Variants in YTHDC2 observed in about 807,000 individuals in gnomAD.
YTHDC2 encodes the protein YTH N6-methyladenosine RNA binding protein C2, also known as 3'-5' RNA helicase YTHDC2.
YTHDC2 carries 45 observed loss-of-function variants against 174.9 expected under a neutral mutation model. The observed-to-expected ratio is 0.26, with a 90% CI of 0.20 to 0.33. The LOEUF (loss-of-function observed/expected upper bound fraction) is 0.33, where lower values mean the gene tolerates loss of function less well. Among genes scored for constraint, YTHDC2 ranks in the 10% least tolerant of loss-of-function variants. The pLI, the probability that YTHDC2 is intolerant of heterozygous loss-of-function variation, is 1.00. For synonymous variants in YTHDC2, 657 were observed against 574.5 expected (o/e 1.14, Z -2.05); for missense variants, 1,650 against 1,723.7 (o/e 0.96, Z 0.76).
At chr5:113,537,851 C>T (rs150203152) in intron 7 of YTHDC2, among the ~76,000 whole-genome samples, 338 of 152,198 alleles carry the variant, frequency 2.2e-3, no homozygotes, top group Non-Finnish European at 3.3e-3. Context: ...CTACTATTGA[C>T]CTAATCACCT....
chr5:113,588,956 TTTATG>T (rs1339149456), intron 26 of YTHDC2, among the ~76,000 whole-genome samples: 2 of 152,092 alleles, frequency 1.3e-5, no homozygotes, highest in Non-Finnish European at 2.9e-5. Context: ...ACTTTACTCC[TTTATG>T]TTATATTGTT....
rs956619014 is a variant in YTHDC2 at position 113,553,674 on chromosome 5, A to G, written c.1952A>G (p.Asp651Gly). The G allele has an allele frequency of 6.2e-7, 1 of 1,613,548 alleles. No homozygotes were observed. Among genetic ancestry groups the G allele is most frequent in the Non-Finnish European group, 8.5e-7 (1 of 1,179,582 alleles). Residue 651 changes from aspartate (D) to glycine (G), a missense_variant, in exon 14 of 30, where the codon GAC becomes GGC. Physicochemically the swap from Asp to Gly is moderately conservative, Grantham distance 94. Transcript: ENST00000161863. ...RILFDDKRFA[D>G]STHRYQVFML... ...CTGTTTGATGACAAGCGGTTTGCTGACAGTACACATAGGTAAGGGCTAAAG... is the reference window on the plus strand; with the variant it reads ...CTGTTTGATGACAAGCGGTTTGCTGGCAGTACACATAGGTAAGGGCTAAAG...
chr5:113,562,991 T>A (rs190506905), intron 18 of YTHDC2, among the ~76,000 whole-genome samples: 1 of 152,176 alleles, frequency 6.6e-6, no homozygotes, highest in Non-Finnish European at 1.5e-5. Context: ...GCACAGGGCC[T>A]TGCACTTAGA....
chr5:113,553,728 C>T (rs1354037402), intron 14 of YTHDC2, 39 bp from the exon 15 acceptor site: 3 of 1,612,646 alleles, frequency 1.9e-6, no homozygotes, highest in Admixed American at 3.3e-5. Context: ...AAATAACGGA[C>T]AGGTCTTATA....
intron 7 of YTHDC2, 45 bp downstream of exon 7, chr5:113,535,843 C>G (rs949577447): frequency 2.1e-6 from 3 of 1,456,678 alleles, no homozygotes; most frequent in Non-Finnish European, 2.8e-6. Flanking sequence ...TATGAAAGAA[C>G]ACTTTTGGAC....
At chr5:113,525,749 A>G (rs1323447582) in intron 3 of YTHDC2, among the ~76,000 whole-genome samples, 5 of 152,134 alleles carry the variant, frequency 3.3e-5, no homozygotes, top group Non-Finnish European at 7.4e-5. Flanking sequence ...TAAAATAAAG[A>G]TGTAATTTTA....
intron 25 of YTHDC2, chr5:113,582,226 G>C (rs1209886920): frequency 6.6e-6 from 1 of 152,164 alleles, no homozygotes; most frequent in Non-Finnish European, 1.5e-5. Flanking sequence ...GTACAAAACA[G>C]GTAAGATCTC....
chr5:113,560,811 T>C (rs780432071), intron 17 of YTHDC2, among the ~76,000 whole-genome samples: 14 of 152,242 alleles, frequency 9.2e-5, no homozygotes, highest in Non-Finnish European at 2.1e-4. Context: ...CACTTTTATA[T>C]GTATGCTATT....
intron 7 of YTHDC2, among the ~76,000 whole-genome samples, chr5:113,537,569 T>C (rs1775171028): frequency 6.6e-6 from 1 of 151,770 alleles, no homozygotes; most frequent in Non-Finnish European, 1.5e-5. Flanking sequence ...TCGTTCCGTC[T>C]TCCTTCCTTC....
intron 2 of YTHDC2, among the ~76,000 whole-genome samples, chr5:113,517,969 A>G (rs1050098960): frequency 2.9e-4 from 42 of 146,974 alleles, no homozygotes; most frequent in African/African-American, 1.1e-3. Flanking sequence ...GCTCACTGCA[A>G]GCTCCACCTC....
In YTHDC2 at chr5:113,557,048, T is replaced by C. The variant is rs556734198; in HGVS notation, c.2216+914T>C. 6.2e-4 allele frequency among the ~76,000 whole-genome samples: 95 copies of C among 152,294 alleles called. 1 individual carries two copies. The Middle Eastern group carries it at 0.014, about 22-fold the overall frequency. On this transcript the variant is annotated intron_variant, in intron 17 of 29. Transcript: ENST00000161863. ...TACAGAACATGCATCTAGTAGTCTT[T>C]TGTGGTAAGAAAAATATATGTGTGT...
chr5:113,562,860 C>T (rs949019931), intron 18 of YTHDC2, among the ~76,000 whole-genome samples: 6 of 152,088 alleles, frequency 3.9e-5, no homozygotes, highest in South Asian at 2.1e-4. Context: ...ATAGCACTGA[C>T]GATAATCGTA....
intron 23 of YTHDC2, among the ~76,000 whole-genome samples, chr5:113,575,287 C>T (rs1439796598): frequency 6.6e-6 from 1 of 152,146 alleles, no homozygotes; most frequent in Non-Finnish European, 1.5e-5. Context: ...ATATTTAGTA[C>T]CTACTATATG....
chr5:113,562,063 G>A (rs1338039321), intron 18 of YTHDC2, among the ~76,000 whole-genome samples: 2 of 149,932 alleles, frequency 1.3e-5, no homozygotes, highest in African/African-American at 4.9e-5. Flanking sequence ...TTAGCAGAAT[G>A]CGTTTATTTG....
At chr5:113,563,057 A>C (rs984050457) in intron 18 of YTHDC2, among the ~76,000 whole-genome samples, 1 of 109,580 alleles carries the variant, frequency 9.1e-6, no homozygotes, top group African/African-American at 5.5e-5. Context: ...GTAAGTATAA[A>C]GGGGGGAAAA....
intron 12 of YTHDC2, among the ~76,000 whole-genome samples, 162 bp from the exon 13 acceptor site, chr5:113,553,019 T>C (rs1376533702): frequency 6.6e-6 from 1 of 152,074 alleles, no homozygotes; most frequent in Non-Finnish European, 1.5e-5. Flanking sequence ...AAATTTTACT[T>C]TGAATAATGT....
At chr5:113,561,824 G>A (rs1776996355) in intron 18 of YTHDC2, among the ~76,000 whole-genome samples, 2 of 151,910 alleles carry the variant, frequency 1.3e-5, no homozygotes, top group Non-Finnish European at 1.5e-5. Context: ...CACCTTTTAA[G>A]TTCTCAGAGG....
chr5:113,529,942 T>A (rs547309893), intron 4 of YTHDC2, among the ~76,000 whole-genome samples: 1 of 152,130 alleles, frequency 6.6e-6, no homozygotes, highest in Non-Finnish European at 1.5e-5. Flanking sequence ...TTTATTTATG[T>A]AGAGGTGGGG....
chr5:113,536,990 G>A (rs1775125064), intron 7 of YTHDC2, among the ~76,000 whole-genome samples: 2 of 152,034 alleles, frequency 1.3e-5, no homozygotes, highest in Admixed American at 6.5e-5. Context: ...TAATATTGAT[G>A]TACTATATTT....
Sources: allele counts gnomAD v4.1 joint callset (sites outside exome capture counted in the v4.1 genomes callset), GRCh38; gene constraint gnomAD v4.1.1; transcripts MANE v1.5; gene names NCBI Gene and HGNC (gene_info 2026-07-23, HGNC 2026-07-21).